Variants in DUSP22 observed in about 807,000 individuals in gnomAD.
DUSP22 encodes dual specificity phosphatase 22.
Under a neutral mutation model 24.5 loss-of-function variants are expected in DUSP22, and 24 were observed. That is an observed-to-expected ratio of 0.98 (90% CI 0.71 to 1.38). The LOEUF (loss-of-function observed/expected upper bound fraction) is 1.38. DUSP22 is among the 40% of genes most tolerant of loss of function. The pLI, the probability that DUSP22 is intolerant of heterozygous loss-of-function variation, is 0.00. For missense variants in DUSP22, 330 were observed against 269.2 expected (o/e 1.23, Z -1.58); for synonymous variants, 160 against 106.4 (o/e 1.50, Z -3.10).
chr6:345,945 C>T lies in DUSP22; in HGVS notation c.263+17C>T, dbSNP rs1327012460. On this transcript the variant is annotated intron_variant, in intron 5 of 6. Transcript: ENST00000419235. The stretch of plus-strand genomic sequence containing the variant: ...TGTACACTGGTACGTGTGTCTCTTG[C>T]TTAATAGCGCCTTAGCGTATTCTGG... 1 of 1,613,978 alleles carries T rather than the reference C, an allele frequency of 6.2e-7. No individual in the cohort carries two copies. Among genetic ancestry groups the T allele is most frequent in the East Asian group, 2.2e-5 (1 of 44,888 alleles).
intron 4 of DUSP22, among the ~76,000 whole-genome samples, chr6:340,202 T>G: frequency 6.6e-6 from 1 of 152,306 alleles, no homozygotes; most frequent in East Asian, 1.9e-4. Context: ...AATTCTATTT[T>G]TAATGTTGAC....
chr6:295,490 C>T (rs1757283013), intron 1 of DUSP22, among the ~76,000 whole-genome samples: 1 of 152,248 alleles, frequency 6.6e-6, no homozygotes, highest in South Asian at 2.1e-4. Context: ...GAAATAAAGA[C>T]AGGACTGGGC....
At chr6:301,299 A>G (rs77045532) in intron 1 of DUSP22, among the ~76,000 whole-genome samples, 5,587 of 150,536 alleles carry the variant, frequency 0.037, no homozygotes, top group South Asian at 0.074. Flanking sequence ...CTCTGTTTAG[A>G]AAGAATATTT....
chr6:294,925 C>T (rs1411685128), intron 1 of DUSP22, among the ~76,000 whole-genome samples: 1 of 152,294 alleles, frequency 6.6e-6, no homozygotes, highest in Non-Finnish European at 1.5e-5. Context: ...AGGAATCCTG[C>T]TGCAGTAAAC....
chr6:296,073 T>A (rs1463015282), intron 1 of DUSP22, among the ~76,000 whole-genome samples: 1 of 152,298 alleles, frequency 6.6e-6, no homozygotes, highest in East Asian at 1.9e-4. Context: ...AAAAAGTAAC[T>A]TGAAAAGCTC....
chr6:341,580 G>A (rs1392190425), intron 4 of DUSP22, among the ~76,000 whole-genome samples: 9 of 152,304 alleles, frequency 5.9e-5, no homozygotes, highest in Non-Finnish European at 7.3e-5. Flanking sequence ...GCCTTGTGCC[G>A]AATTGTGTCC....
At chr6:316,194 C>G (rs1452290621) in intron 3 of DUSP22, among the ~76,000 whole-genome samples, 2 of 152,302 alleles carry the variant, frequency 1.3e-5, no homozygotes, top group Admixed American at 6.5e-5. Context: ...CATCTGTCAG[C>G]AAGTGGCAGG....
chr6:297,126 C>G (rs1757370360), intron 1 of DUSP22, among the ~76,000 whole-genome samples: 1 of 152,424 alleles, frequency 6.6e-6, no homozygotes, highest in African/African-American at 2.4e-5. Flanking sequence ...TGGGTGTGAT[C>G]CTGAAGAAGT....
chr6:296,461 C>A (rs561291353), intron 1 of DUSP22, among the ~76,000 whole-genome samples: 1 of 152,306 alleles, frequency 6.6e-6, no homozygotes, highest in Non-Finnish European at 1.5e-5. Context: ...TGCCTCACCA[C>A]GCTGCTAAGA....
intron 1 of DUSP22, among the ~76,000 whole-genome samples, chr6:298,402 C>G (rs868744206): frequency 4.6e-5 from 7 of 152,304 alleles, no homozygotes; most frequent in Admixed American, 2.0e-4. Flanking sequence ...CCACCCCACA[C>G]ATGGCCTTGG....
At chr6:348,513 T>C in intron 6 of DUSP22, 1 of 859,888 alleles carries the variant, frequency 1.2e-6, no homozygotes, top group Non-Finnish European at 1.8e-6. Context: ...CCTACTAGTT[T>C]GTTTCTCTCC....
At chr6:327,315 C>G (rs552121226) in intron 3 of DUSP22, among the ~76,000 whole-genome samples, 3 of 152,424 alleles carry the variant, frequency 2.0e-5, no homozygotes, top group South Asian at 4.1e-4. Context: ...CAGCAGAGCC[C>G]CATTTACAGC....
chr6:295,114 C>T (rs1169016127), intron 1 of DUSP22, among the ~76,000 whole-genome samples: 7 of 152,284 alleles, frequency 4.6e-5, no homozygotes, highest in East Asian at 1.9e-4. Flanking sequence ...GCAGAATCAG[C>T]GGAAGGTGCT....
chr6:304,944 C>T (rs561540789), intron 2 of DUSP22, among the ~76,000 whole-genome samples: 1 of 152,422 alleles, frequency 6.6e-6, no homozygotes, highest in Non-Finnish European at 1.5e-5. Context: ...TGAAATCATG[C>T]AGTATTTGTG....
chr6:296,975 G>C (rs1006616696), intron 1 of DUSP22, among the ~76,000 whole-genome samples: 7 of 152,418 alleles, frequency 4.6e-5, no homozygotes, highest in Admixed American at 6.5e-5. Flanking sequence ...TGCCATCCCT[G>C]TCCTTCTCGG....
intron 2 of DUSP22, among the ~76,000 whole-genome samples, chr6:307,730 C>A (rs553823702): frequency 1.3e-3 from 197 of 152,330 alleles, no homozygotes; most frequent in African/African-American, 4.6e-3. Context: ...CCACAGAATT[C>A]TAGAAAAGTG....
At chr6:344,885 A>G (rs59294030) in intron 4 of DUSP22, among the ~76,000 whole-genome samples, 4,012 of 151,158 alleles carry the variant, frequency 0.027, 4 homozygotes, top group East Asian at 0.1. Flanking sequence ...CGACGTGGTC[A>G]CCTTCCTCAC....
intron 3 of DUSP22, among the ~76,000 whole-genome samples, chr6:324,603 G>A (rs540754666): frequency 3.9e-5 from 6 of 152,418 alleles, no homozygotes; most frequent in African/African-American, 1.4e-4. Context: ...GCCTTTGCGT[G>A]TCTTGAGCCT....
chr6:295,206 C>T (rs1341181903), intron 1 of DUSP22, among the ~76,000 whole-genome samples: 1 of 152,270 alleles, frequency 6.6e-6, no homozygotes, highest in Admixed American at 6.5e-5. Context: ...TGTGTGTGCC[C>T]TGAGGTTACT....
Sources: gnomAD v4.1 joint callset for allele counts (sites outside exome capture counted in the v4.1 genomes callset) on GRCh38, gnomAD v4.1.1 for gene constraint, MANE v1.5 for transcripts, NCBI Gene and HGNC (gene_info 2026-07-23, HGNC 2026-07-21) for gene names.